The following MAPT variants were observed in gnomAD, a reference collection of about 807,000 sequenced individuals.
MAPT encodes microtubule-associated protein tau.
MAPT carries 34 observed loss-of-function variants against 67.9 expected under a neutral mutation model. The ratio of observed to expected loss-of-function variants is 0.50; its 90% CI spans 0.38 to 0.67. The LOEUF (loss-of-function observed/expected upper bound fraction) is 0.67. Among genes scored for constraint, MAPT ranks in the 30% least tolerant of loss-of-function variants. The pLI is 0.00. For synonymous variants in MAPT, 456 were observed against 464.5 expected (o/e 0.98, Z 0.23); for missense variants, 881 against 1,115.2 (o/e 0.79, Z 2.99).
intron 3 of MAPT, chr17:45,974,642 CT>C: frequency 3.3e-6 from 2 of 614,392 alleles, no homozygotes; most frequent in South Asian, 3.8e-5. Context: ...TGCCTTGGTG[CT>C]CAGTTACCTC....
At chr17:45,998,720 A>G (rs1278740014) in intron 9 of MAPT, among the ~76,000 whole-genome samples, 1 of 152,104 alleles carries the variant, frequency 6.6e-6, no homozygotes, top group Non-Finnish European at 1.5e-5. Context: ...CCTGTACCGC[A>G]GCTGAGGGAA....
intron 10 of MAPT, among the ~76,000 whole-genome samples, chr17:46,012,426 G>A (rs2075880762): frequency 6.6e-6 from 1 of 152,138 alleles, no homozygotes; most frequent in African/African-American, 2.4e-5. Flanking sequence ...CTGGCAGAGA[G>A]CCACCAGATG....
chr17:45,982,783 A>G (rs567928004), intron 4 of MAPT, 83 bp from the exon 5 acceptor site: 29 of 696,638 alleles, frequency 4.2e-5, no homozygotes, highest in Admixed American at 2.5e-4. Context: ...TCTCAGTGTC[A>G]TTTTGTCCAG....
chr17:46,018,853 G>A (rs1318424995), intron 12 of MAPT, 123 bp downstream of exon 12: 1 of 735,856 alleles, frequency 1.4e-6, no homozygotes, highest in East Asian at 2.6e-5. Context: ...TGACTGGCTG[G>A]ATGTGGGCCC....
At position 45,989,680 on chromosome 17, in the gene MAPT, G is replaced by A. The variant is rs76357066; in HGVS notation, c.1408-198G>A. Reference sequence around the variant, plus strand: ...AAGAAAAAGAAAAAGAAAAAGAACTGTGATTGGGGAGGACGGTCACTTTCC... The same window carrying A: ...AAGAAAAAGAAAAAGAAAAAGAACTATGATTGGGGAGGACGGTCACTTTCC... On this transcript the variant is annotated intron_variant, in intron 6 of 12. Coordinates refer to ENST00000262410, the MANE Select transcript of MAPT (RefSeq NM_001377265.1). Among the ~76,000 whole-genome samples the A allele has an allele frequency of 0.14, 22,067 of 152,194 alleles. 2,144 individuals carry two copies. Among genetic ancestry groups the A allele is most frequent in the Non-Finnish European group, 0.22 (14,743 of 67,970 alleles).
chr17:45,951,775 G>T (rs2069108860), intron 1 of MAPT, among the ~76,000 whole-genome samples: 1 of 151,954 alleles, frequency 6.6e-6, no homozygotes, highest in Non-Finnish European at 1.5e-5. Context: ...CCTAAAAAAT[G>T]TCCCATTTTA....
At position 45,970,847 on chromosome 17, in the gene MAPT, G is replaced by A. The variant is rs114495797; in HGVS notation, c.134-1012G>A. ...TATCGGCTGGCCATGGGCCTGCCCT[G>A]GAGTCTTTTGCTCTGTGTGGCCATC... is the stretch of plus-strand genomic sequence containing the variant. On this transcript the variant is annotated intron_variant, in intron 2 of 12. Coordinates refer to ENST00000262410, the MANE Select transcript of MAPT (RefSeq NM_001377265.1). Among the ~76,000 whole-genome samples, 1,198 of 152,324 alleles carry A rather than the reference G, an allele frequency of 7.9e-3. 14 individuals carry two copies. Among genetic ancestry groups the A allele is most frequent in the African/African-American group, 0.027 (1,111 of 41,574 alleles).
At chr17:45,930,642 C>T (rs1365689598) in intron 1 of MAPT, among the ~76,000 whole-genome samples, 1 of 152,202 alleles carries the variant, frequency 6.6e-6, no homozygotes, top group Non-Finnish European at 1.5e-5. Flanking sequence ...CTTCCAGCTC[C>T]AAAGCTTGTG....
At position 45,983,407 on chromosome 17, in the gene MAPT, G is replaced by A. The variant is rs767330757; in HGVS notation, c.828G>A (p.Pro276=). ...TAGGAGACCTGCACCAGGAGGGGCC[G>A]CCGCTGAAGGGGGCAGGGGGCAAAG... The part of the protein sequence containing the change: ...QLLGDLHQEG[P]PLKGAGGKER... The change falls in exon 5 of 13, where the codon CCG becomes CCA. Residue 276 remains proline (P), a synonymous_variant. Coordinates refer to ENST00000262410, the MANE Select transcript of MAPT (RefSeq NM_001377265.1). 2.4e-5 allele frequency: 39 copies of A among 1,607,052 alleles called. No homozygotes were observed. The highest frequency in any genetic ancestry group is 6.6e-5 in the South Asian group (6 of 90,536).
chr17:45,990,476 TG>T, intron 7 of MAPT: 2 of 449,990 alleles, frequency 4.4e-6, no homozygotes, highest in Non-Finnish European at 8.8e-6. Context: ...TAGCCGGGCG[TG>T]GTGGTATGCG....
intron 1 of MAPT, among the ~76,000 whole-genome samples, chr17:45,922,868 A>T (rs8079501): frequency 0.14 from 21,829 of 152,288 alleles, 2,138 homozygotes; most frequent in Middle Eastern, 0.22. Flanking sequence ...AATCCTGAAT[A>T]GGACTCAAGT....
At chr17:45,905,762 G>C (rs757339924) in intron 1 of MAPT, among the ~76,000 whole-genome samples, 1 of 152,152 alleles carries the variant, frequency 6.6e-6, no homozygotes, top group Admixed American at 6.5e-5. Context: ...AGATTATACT[G>C]TCTTCCCCCT....
At chr17:46,005,862 C>T (rs534247596) in intron 9 of MAPT, among the ~76,000 whole-genome samples, 6 of 152,332 alleles carry the variant, frequency 3.9e-5, no homozygotes, top group African/African-American at 1.4e-4. Flanking sequence ...GCCTTGAGGA[C>T]AGCCCAGGAC....
Position 46,014,164 on chromosome 17 carries a change from T to A in MAPT, c.2092-79T>A. 9 of 818,354 alleles carry A rather than the reference T, an allele frequency of 1.1e-5. No individual in the cohort carries two copies. The South Asian group carries it at 1.3e-4, about 12-fold the overall frequency. The allele number at this position is 818,354 out of a possible 1,614,324, so 50.7% of individuals were successfully genotyped here. A position where few individuals can be genotyped will look rare whatever the true frequency, so the allele number is the denominator to read the frequency against. On this transcript the variant is annotated intron_variant, in intron 10 of 12. Coordinates refer to ENST00000262410, the MANE Select transcript of MAPT (RefSeq NM_001377265.1). ...TTGAGTTACACCCTTAATAAAATAA[T>A]CCCATTTTATCCTTTTTGTCTCTCT...
chr17:45,920,740 T>G (rs2065630897), intron 1 of MAPT, among the ~76,000 whole-genome samples: 1 of 152,146 alleles, frequency 6.6e-6, no homozygotes, highest in African/African-American at 2.4e-5. Flanking sequence ...TAGCCGTCCC[T>G]AACCATAGAG....
intron 3 of MAPT, chr17:45,974,273 C>T (rs1270885651): frequency 2.5e-6 from 2 of 791,950 alleles, no homozygotes; most frequent in Admixed American, 4.0e-5. Flanking sequence ...TGGCATATGG[C>T]TGATCCCCTC....
chr17:45,905,862 G>A (rs1302439316), intron 1 of MAPT, among the ~76,000 whole-genome samples: 1 of 152,272 alleles, frequency 6.6e-6, no homozygotes, highest in Non-Finnish European at 1.5e-5. Context: ...GAGCTTCTCA[G>A]AAGTGCTGCA....
At chr17:45,923,023 T>G (rs971220003) in intron 1 of MAPT, among the ~76,000 whole-genome samples, 6 of 152,204 alleles carry the variant, frequency 3.9e-5, no homozygotes, top group African/African-American at 1.4e-4. Context: ...ACTCGTTAGC[T>G]GGGTGACCTT....
intron 1 of MAPT, among the ~76,000 whole-genome samples, chr17:45,935,545 C>T (rs1013001161): frequency 1.3e-5 from 2 of 152,160 alleles, no homozygotes; most frequent in Non-Finnish European, 2.9e-5. Context: ...ACTCAGGATG[C>T]ATGTGCTTCA....
Sources: gnomAD v4.1 joint callset for allele counts (sites outside exome capture counted in the v4.1 genomes callset) on GRCh38, gnomAD v4.1.1 for gene constraint, MANE v1.5 for transcripts, NCBI Gene and HGNC (gene_info 2026-07-23, HGNC 2026-07-21) for gene names.